ZNF507: variants seen among roughly 807,000 people sequenced by gnomAD.
ZNF507 encodes the protein zinc finger protein 507.
A neutral mutation model predicts 80.0 loss-of-function variants in ZNF507; 29 were observed. The ratio of observed to expected loss-of-function variants is 0.36; its 90% CI spans 0.27 to 0.49. ZNF507 has a LOEUF of 0.49. ZNF507 is among the 20% of genes least tolerant of loss of function. The pLI is 0.98. For synonymous variants in ZNF507, 462 were observed against 422.5 expected, an observed-to-expected ratio of 1.09 and a Z score of -1.15; for missense variants, 1,081 against 1,152.2, an observed-to-expected ratio of 0.94 and a Z score of 0.90.
At chr19:32,381,644 C>G (rs184936454) in intron 5 of ZNF507, among the ~76,000 whole-genome samples, 1 of 152,172 alleles carries the variant, frequency 6.6e-6, no homozygotes, top group Admixed American at 6.6e-5. Flanking sequence ...AAAAACCCCA[C>G]AGAATTGTAC....
intron 2 of ZNF507, among the ~76,000 whole-genome samples, chr19:32,352,106 ATAG>A (rs1967177290): frequency 6.7e-6 from 1 of 150,102 alleles, no homozygotes; most frequent in South Asian, 2.1e-4. Context: ...GATATGAGTA[ATAG>A]TTGACCACTA....
intron 5 of ZNF507, among the ~76,000 whole-genome samples, chr19:32,361,289 T>C (rs1009871458): frequency 2.0e-5 from 3 of 152,182 alleles, no homozygotes; most frequent in African/African-American, 7.2e-5. Flanking sequence ...TCAGAAAATA[T>C]AGGCATTCTC....
chr19:32,379,628 A>G (rs1271326723), intron 5 of ZNF507, among the ~76,000 whole-genome samples: 1 of 152,218 alleles, frequency 6.6e-6, no homozygotes, highest in Non-Finnish European at 1.5e-5. Flanking sequence ...ATGTGTATAT[A>G]CATACATATG....
intron 5 of ZNF507, among the ~76,000 whole-genome samples, chr19:32,371,386 A>T (rs946388266): frequency 6.6e-6 from 1 of 151,236 alleles, no homozygotes. Context: ...AGGCAGGAGA[A>T]TCACCTGAAC....
intron 4 of ZNF507, chr19:32,358,997 A>G (rs1430593485): frequency 6.6e-6 from 1 of 152,182 alleles, no homozygotes; most frequent in Non-Finnish European, 1.5e-5. Context: ...GAAGTAGCAC[A>G]GGCTCTCATT....
In ZNF507 at chr19:32,386,835, A is replaced by G. The variant is rs1285268520; in HGVS notation, c.*3752A>G. The G allele has an allele frequency of 6.6e-6, 1 of 152,576 alleles. No individual in the cohort carries two copies. Among genetic ancestry groups the G allele is most frequent in the Non-Finnish European group, 1.5e-5 (1 of 68,026 alleles). The allele number at this position is 152,576 out of a possible 1,614,324, so 9.5% of individuals were successfully genotyped here. ...CTTTAATATTGTATTTTGGTAATAA[A>G]TTTTTTGTTAAAAAAAACTTGGCTC... is the stretch of plus-strand genomic sequence containing the variant. On this transcript the variant is annotated 3_prime_UTR_variant, in exon 7 of 7. Transcript: ENST00000355898.
At chr19:32,373,832 T>C (rs1209577112) in intron 5 of ZNF507, among the ~76,000 whole-genome samples, 1 of 152,252 alleles carries the variant, frequency 6.6e-6, no homozygotes, top group Non-Finnish European at 1.5e-5. Context: ...AGTTCCTCTC[T>C]TGTGACTATC....
In ZNF507 at chr19:32,360,716, A is replaced by C. The variant is rs567992575; in HGVS notation, c.2360+98A>C. 6.8e-5 allele frequency: 38 copies of C among 559,978 alleles called. No homozygotes were observed. In the African/African-American group the frequency reaches 7.0e-4, roughly 10 times the overall value. The allele number at this position is 559,978 out of a possible 1,614,324, so 34.7% of individuals were successfully genotyped here. A position where few individuals can be genotyped will look rare whatever the true frequency, so the allele number is the denominator to read the frequency against. On this transcript the variant is annotated intron_variant, in intron 5 of 6. Coordinates refer to ENST00000355898, the MANE Select transcript of ZNF507 (RefSeq NM_001136156.2). Reference sequence around the variant, plus strand: ...AAATGTATAGCACTTACTGAAACACAGGTTAAGAAGTAAGAAATTTTCACT... The same window carrying C: ...AAATGTATAGCACTTACTGAAACACCGGTTAAGAAGTAAGAAATTTTCACT...
At chr19:32,360,430 T>C in intron 4 of ZNF507, 74 bp from the exon 5 acceptor site, 1 of 692,620 alleles carries the variant, frequency 1.4e-6, no homozygotes, top group Non-Finnish European at 2.3e-6. Flanking sequence ...AATTTTCATT[T>C]ACAATGGAAT....
chr19:32,356,792 T>A (rs1367923791), intron 4 of ZNF507, 59 bp downstream of exon 4: 1 of 1,314,352 alleles, frequency 7.6e-7, no homozygotes, highest in East Asian at 2.3e-5. Flanking sequence ...AAAAGTGCCC[T>A]TAGTTGTCAT....
At chr19:32,361,994 C>T (rs568779157) in intron 5 of ZNF507, among the ~76,000 whole-genome samples, 1 of 150,412 alleles carries the variant, frequency 6.6e-6, no homozygotes, top group South Asian at 2.1e-4. Context: ...TCTCACCTCA[C>T]GGCAACCTCC....
At chr19:32,382,388 T>C (rs1967634678) in intron 5 of ZNF507, 79 bp from the exon 6 acceptor site, 17 of 1,549,778 alleles carry the variant, frequency 1.1e-5, no homozygotes, top group Non-Finnish European at 1.3e-5. Flanking sequence ...AGGGCTATAA[T>C]AATTGTTACA....
intron 5 of ZNF507, among the ~76,000 whole-genome samples, chr19:32,365,872 G>A (rs557288091): frequency 6.6e-6 from 1 of 152,154 alleles, no homozygotes; most frequent in South Asian, 2.1e-4. Flanking sequence ...GGACATAGTA[G>A]GTGCTCGGTA....
intron 2 of ZNF507, among the ~76,000 whole-genome samples, chr19:32,351,519 G>A (rs1967166443): frequency 1.1e-5 from 1 of 92,534 alleles, no homozygotes; most frequent in African/African-American, 4.0e-5. Context: ...ATGTGTGTGT[G>A]TGTGGCGTGG....
chr19:32,380,853 C>T (rs989632452), intron 5 of ZNF507, among the ~76,000 whole-genome samples: 3 of 152,188 alleles, frequency 2.0e-5, no homozygotes, highest in South Asian at 2.1e-4. Context: ...TGCTTGAGCC[C>T]GGGAGTTTGA....
intron 5 of ZNF507, among the ~76,000 whole-genome samples, chr19:32,371,841 G>A (rs530244379): frequency 4.5e-4 from 69 of 151,726 alleles, no homozygotes; most frequent in African/African-American, 1.6e-3. Flanking sequence ...GGGTTTCACC[G>A]TGTTAGCCAG....
intron 2 of ZNF507, among the ~76,000 whole-genome samples, chr19:32,351,171 GGAAT>G: frequency 6.6e-6 from 1 of 152,270 alleles, no homozygotes; most frequent in East Asian, 1.9e-4. Context: ...GAATGGCCAT[GGAAT>G]GCATGTGAGG....
chr19:32,383,173 G>A lies in ZNF507; in HGVS notation c.*90G>A. On this transcript the variant is annotated 3_prime_UTR_variant, in exon 7 of 7. Transcript: ENST00000355898. ...CGCTGTCAGACAACTTCCTGCCACA[G>A]AAGAAGTCGTTGATGTGATTTTTGA... 6.7e-7 allele frequency: 1 copy of A among 1,484,764 alleles called. No individual in the cohort carries two copies. Among genetic ancestry groups the A allele is most frequent in the Non-Finnish European group, 9.0e-7 (1 of 1,108,748 alleles). 92.0% of individuals were successfully genotyped at this position (1,484,764 alleles called of 1,614,324 possible).
Position 32,387,653 on chromosome 19 carries a change from A to C in ZNF507, c.*4570A>C, listed in dbSNP as rs1045423749. 6.6e-6 allele frequency: 1 copy of C among 152,240 alleles called. No homozygotes were observed. The highest frequency in any genetic ancestry group is 2.4e-5 in the African/African-American group (1 of 41,468). 9.4% of individuals were successfully genotyped at this position (152,240 alleles called of 1,614,324 possible). Reference sequence around the variant, plus strand: ...GTTGAAATGATATTTTGGTTTAAATAAAATATTAAAATTAGTTTTACCTGT... The same window carrying C: ...GTTGAAATGATATTTTGGTTTAAATCAAATATTAAAATTAGTTTTACCTGT... On this transcript the variant is annotated 3_prime_UTR_variant, in exon 7 of 7. Coordinates refer to ENST00000355898, the MANE Select transcript of ZNF507 (RefSeq NM_001136156.2).
Sources: gnomAD v4.1 joint callset for allele counts (sites outside exome capture counted in the v4.1 genomes callset) on GRCh38, gnomAD v4.1.1 for gene constraint, MANE v1.5 for transcripts, NCBI Gene and HGNC (gene_info 2026-07-23, HGNC 2026-07-21) for gene names.